SMCHD1: variants seen among roughly 807,000 people sequenced by gnomAD.
The protein encoded by SMCHD1 is structural maintenance of chromosomes flexible hinge domain-containing protein 1.
A neutral mutation model predicts 254.7 loss-of-function variants in SMCHD1; 78 were observed. That is an observed-to-expected ratio of 0.31 (90% CI 0.26 to 0.37). SMCHD1 has a LOEUF of 0.37. Ranked by LOEUF, SMCHD1 falls within the 10% of genes least tolerant of loss-of-function variation. The pLI is 1.00. For missense variants in SMCHD1, 1,840 were observed against 2,408.1 expected (o/e 0.76, Z 4.94); for synonymous variants, 766 against 794.9 (o/e 0.96, Z 0.61).
At chr18:2,766,827 G>A (rs1365176445) in intron 37 of SMCHD1, among the ~76,000 whole-genome samples, 1 of 152,086 alleles carries the variant, frequency 6.6e-6, no homozygotes, top group Non-Finnish European at 1.5e-5. Flanking sequence ...TCCAGTTTGG[G>A]ACTCTTCATT....
chr18:2,755,858 C>T (rs868468193), intron 34 of SMCHD1, among the ~76,000 whole-genome samples: 1 of 152,044 alleles, frequency 6.6e-6, no homozygotes. Flanking sequence ...TGAATCACCG[C>T]CCTCGGCCGT....
At chr18:2,682,327 T>C (rs546873144) in intron 5 of SMCHD1, among the ~76,000 whole-genome samples, 2 of 151,836 alleles carry the variant, frequency 1.3e-5, no homozygotes, top group African/African-American at 4.8e-5. Flanking sequence ...TTTTTTTTTT[T>C]TTCCTTTTTC....
chr18:2,666,662 A>T (rs1483752014), intron 2 of SMCHD1, among the ~76,000 whole-genome samples: 1 of 152,212 alleles, frequency 6.6e-6, no homozygotes, highest in Non-Finnish European at 1.5e-5. Context: ...ACTTATTAAG[A>T]ATTGAGTGTT....
chr18:2,708,869 T>C (rs867052258), intron 17 of SMCHD1, among the ~76,000 whole-genome samples: 25 of 14,398 alleles, frequency 1.7e-3, no homozygotes, highest in African/African-American at 5.6e-3. Context: ...AATAACTTCA[T>C]ATATATATAT....
chr18:2,726,648 T>C, intron 22 of SMCHD1, 124 bp downstream of exon 22: 1 of 411,518 alleles, frequency 2.4e-6, no homozygotes, highest in Non-Finnish European at 4.2e-6. Context: ...CACTTAAATG[T>C]CAAACCATAG....
At chr18:2,678,255 C>CTG (rs61681896) in intron 5 of SMCHD1, among the ~76,000 whole-genome samples, 1 of 119,402 alleles carries the variant, frequency 8.4e-6, no homozygotes, top group African/African-American at 3.1e-5. Context: ...TTCTTTCTTT[C>CTG]TCTCTCTCTC....
chr18:2,804,760 A>C lies in SMCHD1; in HGVS notation c.*2208A>C, dbSNP rs935604703. The C allele has an allele frequency of 2.6e-5, 4 of 152,222 alleles. No individual in the cohort carries two copies. The highest frequency in any genetic ancestry group is 4.4e-5 in the Non-Finnish European group (3 of 68,036). 9.4% of individuals were successfully genotyped at this position (152,222 alleles called of 1,614,324 possible). ...ATAATAATAAATTGCTTTTGTGTTT[A>C]ATATGTAACACGTAAGAACAATTGA... On this transcript the variant is annotated 3_prime_UTR_variant, in exon 48 of 48. Coordinates refer to ENST00000320876, the MANE Select transcript of SMCHD1 (RefSeq NM_015295.3).
intron 17 of SMCHD1, among the ~76,000 whole-genome samples, chr18:2,711,687 T>G (rs1568207505): frequency 1.3e-5 from 2 of 151,570 alleles, no homozygotes; most frequent in African/African-American, 4.8e-5. Context: ...TTTCACCGTT[T>G]TAGCCGGGAT....
chr18:2,706,151 T>C (rs2074508244), intron 14 of SMCHD1, among the ~76,000 whole-genome samples: 1 of 152,202 alleles, frequency 6.6e-6, no homozygotes, highest in Non-Finnish European at 1.5e-5. Flanking sequence ...CCCTATACCA[T>C]GCTTTCTTGT....
At chr18:2,707,511 A>G in intron 15 of SMCHD1, 52 bp from the exon 16 acceptor site, 1 of 1,053,442 alleles carries the variant, frequency 9.5e-7, no homozygotes, top group Non-Finnish European at 1.4e-6. Context: ...TTTTTAATTA[A>G]GATCATAATT....
intron 34 of SMCHD1, among the ~76,000 whole-genome samples, chr18:2,756,454 A>G (rs1449626398): frequency 1.3e-5 from 2 of 152,194 alleles, no homozygotes; most frequent in Non-Finnish European, 2.9e-5. Context: ...AAATGGTGAT[A>G]GATTCATCAA....
At chr18:2,673,161 G>A (rs2073657628) in intron 3 of SMCHD1, 120 bp from the exon 4 acceptor site, 3 of 1,378,728 alleles carry the variant, frequency 2.2e-6, no homozygotes, top group African/African-American at 2.9e-5. Context: ...TTAGGATCAG[G>A]ATAATACTTT....
rs60371199 is a variant in SMCHD1, at chr18:2,701,164, G to GT, written c.1647+259dup. 0.32 allele frequency: 63,184 copies of GT among 195,722 alleles called. 8,319 individuals are homozygous for GT. Among genetic ancestry groups the GT allele is most frequent in the South Asian group, 0.46 (3,085 of 6,748 alleles). 12.1% of individuals were successfully genotyped at this position (195,722 alleles called of 1,614,324 possible). On this transcript the variant is annotated intron_variant, in intron 12 of 47. Transcript: ENST00000320876. ...TTACATATCTTCATTAGTTTTTTTT[G>GT]TTTTTTTTTTTTTAAGACAGGAGTT...
chr18:2,656,658 C>T (rs970751360), intron 1 of SMCHD1, among the ~76,000 whole-genome samples: 1 of 152,234 alleles, frequency 6.6e-6, no homozygotes, highest in Non-Finnish European at 1.5e-5. Context: ...AGGGAGTTAA[C>T]GCCCAGGGGC....
chr18:2,777,808 C>A lies in SMCHD1; in HGVS notation c.5369C>A (p.Ser1790Tyr). 6.6e-7 allele frequency: 1 copy of A among 1,513,212 alleles called. No homozygotes were observed. The highest frequency in any genetic ancestry group is 8.9e-7 in the Non-Finnish European group (1 of 1,122,052). The allele number at this position is 1,513,212 out of a possible 1,614,324, so 93.7% of individuals were successfully genotyped here. Residue 1790 changes from serine to tyrosine, a missense_variant and splice_region_variant, in exon 43 of 48, where the codon TCT (serine) becomes TAT (tyrosine). Coordinates refer to ENST00000320876, the MANE Select transcript of SMCHD1 (RefSeq NM_015295.3). ...YKKTLPDWKR[S>Y]LPHFRNGKLY... Reference sequence around the variant, plus strand: ...TTTTAAAATTTCTTTTTATTTAGATCTCTACCTCATTTCCGAAATGGAAAA... The same window carrying A: ...TTTTAAAATTTCTTTTTATTTAGATATCTACCTCATTTCCGAAATGGAAAA...
At chr18:2,724,405 T>C (rs984425133) in intron 20 of SMCHD1, among the ~76,000 whole-genome samples, 2 of 152,068 alleles carry the variant, frequency 1.3e-5, no homozygotes, top group African/African-American at 4.8e-5. Context: ...CTTCGGTTTA[T>C]GTCATCATAA....
At position 2,699,699 on chromosome 18, in the gene SMCHD1, T is replaced by C. The variant is rs559713138; in HGVS notation, c.1343-840T>C. Among the ~76,000 whole-genome samples the C allele has an allele frequency of 2.6e-5, 4 of 152,352 alleles. No individual in the cohort carries two copies. The South Asian group carries it at 6.2e-4, about 24-fold the overall frequency. On this transcript the variant is annotated intron_variant, in intron 10 of 47. Coordinates refer to ENST00000320876, the MANE Select transcript of SMCHD1 (RefSeq NM_015295.3). ...TTGTGTGCTAATAGACAAAAAGATA[T>C]AATTTTTTTCAAATGCTGCCTTAAA...
chr18:2,691,339 T>A (rs1379224836), intron 7 of SMCHD1, among the ~76,000 whole-genome samples: 1 of 152,238 alleles, frequency 6.6e-6, no homozygotes, highest in Non-Finnish European at 1.5e-5. Flanking sequence ...TGCTTAGTTC[T>A]TCCCAACAAA....
intron 41 of SMCHD1, among the ~76,000 whole-genome samples, chr18:2,775,448 A>G (rs2076051930): frequency 6.6e-6 from 1 of 152,058 alleles, no homozygotes; most frequent in African/African-American, 2.4e-5. Context: ...AAAATTTCTA[A>G]TTATTTCATC....
Sources: allele counts gnomAD v4.1 joint callset (sites outside exome capture counted in the v4.1 genomes callset), GRCh38; gene constraint gnomAD v4.1.1; transcripts MANE v1.5; gene names NCBI Gene and HGNC (gene_info 2026-07-23, HGNC 2026-07-21).